The following CDC37L1 variants were observed in gnomAD, a reference collection of about 807,000 sequenced individuals.
CDC37L1 encodes cell division cycle 37 like 1, HSP90 cochaperone.
Under a neutral mutation model 45.9 loss-of-function variants are expected in CDC37L1, and 32 were observed. That is an observed-to-expected ratio of 0.70 (90% CI 0.53 to 0.94). The LOEUF is 0.94. Among genes scored for constraint, CDC37L1 ranks in the 40% least tolerant of loss-of-function variants. CDC37L1 has a pLI of 0.00. For synonymous variants in CDC37L1, 150 were observed against 133.0 expected (o/e 1.13, Z -0.88); for missense variants, 434 against 405.7 (o/e 1.07, Z -0.60).
chr9:4,696,305 C>T (rs1036164618), intron 3 of CDC37L1, among the ~76,000 whole-genome samples: 8 of 152,136 alleles, frequency 5.3e-5, no homozygotes, highest in African/African-American at 1.9e-4. Context: ...ATCCAGACTT[C>T]TTTGCATGAG....
At chr9:4,683,018 A>T (rs1287828069) in intron 1 of CDC37L1, among the ~76,000 whole-genome samples, 1 of 142,602 alleles carries the variant, frequency 7.0e-6, no homozygotes, top group African/African-American at 2.6e-5. Context: ...TATATATTAA[A>T]TATATATTAT....
intron 3 of CDC37L1, among the ~76,000 whole-genome samples, chr9:4,692,761 A>G (rs990887419): frequency 2.6e-5 from 4 of 152,248 alleles, no homozygotes; most frequent in African/African-American, 9.6e-5. Flanking sequence ...CTAAGAATCA[A>G]AATGGCTTAA....
At chr9:4,700,490 T>A (rs1367217763) in intron 5 of CDC37L1, among the ~76,000 whole-genome samples, 1 of 152,200 alleles carries the variant, frequency 6.6e-6, no homozygotes, top group African/African-American at 2.4e-5. Flanking sequence ...GTAAAAAACA[T>A]ACTTTCCTTT....
At chr9:4,704,345 A>C (rs959992146) in intron 6 of CDC37L1, among the ~76,000 whole-genome samples, 1 of 152,228 alleles carries the variant, frequency 6.6e-6, no homozygotes, top group Admixed American at 6.5e-5. Flanking sequence ...TTATTCACCT[A>C]TACCACAGAC....
intron 6 of CDC37L1, among the ~76,000 whole-genome samples, chr9:4,705,012 T>G: frequency 6.6e-6 from 1 of 152,128 alleles, no homozygotes; most frequent in South Asian, 2.1e-4. Context: ...AAGACCTGAT[T>G]GGGAATAATC....
At chr9:4,689,535 C>T (rs559238982) in intron 3 of CDC37L1, among the ~76,000 whole-genome samples, 1 of 151,032 alleles carries the variant, frequency 6.6e-6, no homozygotes, top group African/African-American at 2.4e-5. Context: ...GTAATTTATT[C>T]GTAAAATATT....
At position 4,697,172 on chromosome 9, in the gene CDC37L1, A is replaced by G; in HGVS notation, c.585A>G (p.Lys195=). The G allele has an allele frequency of 3.8e-6, 6 of 1,588,152 alleles. No individual in the cohort carries two copies. Among genetic ancestry groups the G allele is most frequent in the Non-Finnish European group, 5.2e-6 (6 of 1,157,308 alleles). The part of the protein sequence containing the change: ...HPYLVCEETA[K]YLILWCFHLE... ...ACCTTGTATGTGAAGAAACTGCTAA[A>G]TATCTTATTTTATGGTGTTTTCACC... is the stretch of plus-strand genomic sequence containing the variant. The change falls in exon 4 of 7, where the codon AAA becomes AAG. Residue 195 remains lysine (K), a synonymous_variant. Transcript: ENST00000381854.
At chr9:4,702,155 C>T (rs1587624216) in intron 6 of CDC37L1, 127 bp downstream of exon 6, 4 of 467,954 alleles carry the variant, frequency 8.5e-6, no homozygotes, top group East Asian at 7.0e-5. Flanking sequence ...CAGAAGATAA[C>T]TGTTGAATCT....
intron 2 of CDC37L1, among the ~76,000 whole-genome samples, chr9:4,686,094 C>T (rs1841244294): frequency 6.6e-6 from 1 of 152,170 alleles, no homozygotes; most frequent in African/African-American, 2.4e-5. Context: ...TTACTTGAAC[C>T]CAGGAGGTAG....
Position 4,679,702 on chromosome 9 carries a change from C to T in CDC37L1, c.-66C>T, listed in dbSNP as rs1369101021. 18 of 1,487,966 alleles carry T rather than the reference C, an allele frequency of 1.2e-5. No individual in the cohort carries two copies. The highest frequency in any genetic ancestry group is 2.8e-5 in the African/African-American group (2 of 71,948). 92.2% of individuals were successfully genotyped at this position (1,487,966 alleles called of 1,614,324 possible). On this transcript the variant is annotated 5_prime_UTR_variant, in exon 1 of 7. The change creates a new upstream start codon in the 5' untranslated region. Transcript: ENST00000381854. ...GGCTCGGCGCAGCAGGTTCCATTCA[C>T]GCCAAGTCTGTTGGCAGTGGCAGTT...
intron 3 of CDC37L1, among the ~76,000 whole-genome samples, chr9:4,695,675 T>C (rs1334714834): frequency 6.6e-6 from 1 of 152,068 alleles, no homozygotes; most frequent in East Asian, 1.9e-4. Flanking sequence ...TTAAGCTTTT[T>C]CTGTAGAGAC....
At chr9:4,682,925 CTAAGA>C (rs1257139025) in intron 1 of CDC37L1, among the ~76,000 whole-genome samples, 1 of 146,912 alleles carries the variant, frequency 6.8e-6, no homozygotes, top group Non-Finnish European at 1.5e-5. Flanking sequence ...TGATCCTATT[CTAAGA>C]TAACAAAAAG....
Position 4,706,035 on chromosome 9 carries a change from A to C in CDC37L1, c.937A>C (p.Ile313Leu). Residue 313 changes from isoleucine (I) to leucine (L), a missense_variant, in exon 7 of 7, where the codon ATC becomes CTC. Transcript: ENST00000381854. ...PQNPDYLQYS[I>L]STALCSLNSV... Reference sequence around the variant, plus strand: ...GAATCCAGATTATCTTCAGTATTCTATCAGTACAGCTCTCTGCAGCTTAAA... The same window carrying C: ...GAATCCAGATTATCTTCAGTATTCTCTCAGTACAGCTCTCTGCAGCTTAAA... 1 of 1,590,638 alleles carries C rather than the reference A, an allele frequency of 6.3e-7. No individual in the cohort carries two copies. The highest frequency in any genetic ancestry group is 8.6e-7 in the Non-Finnish European group (1 of 1,159,334).
rs574558376 is a variant in CDC37L1, at chr9:4,702,464, G to C, written c.912+436G>C. Among the ~76,000 whole-genome samples the C allele has an allele frequency of 1.1e-4, 17 of 152,216 alleles. No individual in the cohort carries two copies. In the East Asian group the frequency reaches 3.3e-3, roughly 29 times the overall value. ...GCTTAAGTTTATTTAGTATTTTCTT[G>C]TTAAATGTTGGGTCTACCAGATATA... is the stretch of plus-strand genomic sequence containing the variant. On this transcript the variant is annotated intron_variant, in intron 6 of 6. Coordinates refer to ENST00000381854, the MANE Select transcript of CDC37L1 (RefSeq NM_017913.4).
intron 3 of CDC37L1, among the ~76,000 whole-genome samples, chr9:4,694,055 G>A (rs1260993924): frequency 6.6e-6 from 1 of 152,160 alleles, no homozygotes; most frequent in Non-Finnish European, 1.5e-5. Context: ...TGAGGTATAT[G>A]CTGTTCCACT....
chr9:4,697,058 A>G, intron 3 of CDC37L1, 38 bp from the exon 4 acceptor site: 1 of 860,132 alleles, frequency 1.2e-6, no homozygotes. Context: ...GAAGAAAGAA[A>G]ATATTTGACA....
chr9:4,702,267 A>G (rs1366086374), intron 6 of CDC37L1, among the ~76,000 whole-genome samples: 1 of 152,204 alleles, frequency 6.6e-6, no homozygotes, highest in African/African-American at 2.4e-5. Flanking sequence ...ATACCTAACC[A>G]TTCTTAAGAA....
At chr9:4,703,090 C>T (rs1587624749) in intron 6 of CDC37L1, 2 of 1,542,814 alleles carry the variant, frequency 1.3e-6, no homozygotes, top group Non-Finnish European at 1.8e-6. Context: ...TTCCAGGCTC[C>T]AAGATTTTAA....
intron 1 of CDC37L1, among the ~76,000 whole-genome samples, chr9:4,683,957 C>A (rs1841221954): frequency 6.6e-6 from 1 of 152,192 alleles, no homozygotes; most frequent in African/African-American, 2.4e-5. Flanking sequence ...CGGAGTAGTA[C>A]GGTCAGCAGG....
Sources: allele counts gnomAD v4.1 joint callset (sites outside exome capture counted in the v4.1 genomes callset), GRCh38; gene constraint gnomAD v4.1.1; transcripts MANE v1.5; gene names NCBI Gene and HGNC (gene_info 2026-07-23, HGNC 2026-07-21).